Variants in ELMO1 observed in about 807,000 individuals in gnomAD.
ELMO1 encodes the protein engulfment and cell motility 1.
ELMO1 carries 26 observed loss-of-function variants against 98.9 expected under a neutral mutation model. The observed-to-expected ratio is 0.26, with a 90% confidence interval of 0.19 to 0.36. ELMO1 has a LOEUF of 0.36. Ranked by LOEUF, ELMO1 falls within the 10% of genes least tolerant of loss-of-function variation. The pLI, the probability that ELMO1 is intolerant of heterozygous loss-of-function variation, is 1.00. For missense variants in ELMO1, 627 were observed against 935.2 expected (o/e 0.67, Z 4.30); for synonymous variants, 346 against 346.0 (o/e 1.00, Z 0.00).
At chr7:37,194,592 C>T (rs1488102768) in intron 13 of ELMO1, among the ~76,000 whole-genome samples, 3 of 152,250 alleles carry the variant, frequency 2.0e-5, no homozygotes, top group African/African-American at 4.8e-5. Context: ...ATCCAAACAC[C>T]GCAGCACATA....
At chr7:37,435,480 TC>T (rs1241492267) in intron 1 of ELMO1, among the ~76,000 whole-genome samples, 1 of 152,216 alleles carries the variant, frequency 6.6e-6, no homozygotes, top group East Asian at 1.9e-4. Context: ...AGGGTGAAAC[TC>T]AACATTAAAA....
At chr7:37,278,393 C>T (rs1027099377) in intron 4 of ELMO1, among the ~76,000 whole-genome samples, 2 of 152,026 alleles carry the variant, frequency 1.3e-5, no homozygotes, top group Non-Finnish European at 2.9e-5. Flanking sequence ...CCTGTGGTCC[C>T]AGCTACTTGG....
chr7:37,307,003 A>G (rs371565966), intron 4 of ELMO1, among the ~76,000 whole-genome samples: 8 of 152,228 alleles, frequency 5.3e-5, no homozygotes, highest in African/African-American at 1.4e-4. Flanking sequence ...TGGAATTGTT[A>G]TCAACCCAAT....
chr7:37,061,409 G>A (rs1562975091), intron 15 of ELMO1, among the ~76,000 whole-genome samples: 2 of 152,176 alleles, frequency 1.3e-5, no homozygotes, highest in Non-Finnish European at 1.5e-5. Flanking sequence ...AATACAGCAG[G>A]CCTAACGAAT....
chr7:36,979,507 G>A (rs146738976), intron 16 of ELMO1, among the ~76,000 whole-genome samples: 7 of 152,082 alleles, frequency 4.6e-5, no homozygotes, highest in Admixed American at 2.0e-4. Context: ...GATATTTGAC[G>A]CTGGCTCAGG....
intron 16 of ELMO1, among the ~76,000 whole-genome samples, chr7:36,966,840 G>A (rs1210604903): frequency 6.6e-6 from 1 of 152,224 alleles, no homozygotes; most frequent in Non-Finnish European, 1.5e-5. Context: ...TTTAAGAGAT[G>A]CATTAACCAT....
intron 13 of ELMO1, among the ~76,000 whole-genome samples, chr7:37,196,491 G>T (rs538455529): frequency 6.6e-6 from 1 of 152,262 alleles, no homozygotes; most frequent in East Asian, 1.9e-4. Flanking sequence ...GTGGATAGTT[G>T]GTGTGTGGTC....
At chr7:36,861,565 G>T in intron 21 of ELMO1, 94 bp downstream of exon 21, 1 of 1,408,238 alleles carries the variant, frequency 7.1e-7, no homozygotes. Flanking sequence ...CATTTTTTCA[G>T]GCAGGTCTAT....
intron 16 of ELMO1, among the ~76,000 whole-genome samples, chr7:37,008,054 C>T (rs561946624): frequency 1.3e-5 from 2 of 152,332 alleles, no homozygotes; most frequent in East Asian, 3.9e-4. Flanking sequence ...CAAGATAGTG[C>T]TTTTACTCTA....
intron 1 of ELMO1, among the ~76,000 whole-genome samples, chr7:37,373,050 C>G (rs1388969898): frequency 1.3e-5 from 2 of 152,186 alleles, no homozygotes; most frequent in Non-Finnish European, 2.9e-5. Flanking sequence ...AAACATCACA[C>G]AGGCAGGTAA....
chr7:37,365,544 C>T (rs1801870999), intron 1 of ELMO1, among the ~76,000 whole-genome samples: 1 of 151,438 alleles, frequency 6.6e-6, no homozygotes, highest in East Asian at 2.0e-4. Flanking sequence ...AGCTCTCAAA[C>T]ACCAACTACT....
At chr7:36,981,524 C>T (rs970882356) in intron 16 of ELMO1, among the ~76,000 whole-genome samples, 8 of 152,062 alleles carry the variant, frequency 5.3e-5, no homozygotes, top group Non-Finnish European at 1.0e-4. Context: ...CACTCCTTAG[C>T]CTGAATTTAT....
chr7:37,244,443 T>G, intron 6 of ELMO1, 52 bp from the exon 7 acceptor site: 1 of 1,581,892 alleles, frequency 6.3e-7, no homozygotes, highest in East Asian at 2.2e-5. Flanking sequence ...AGCAACAATT[T>G]TTACACAAAG....
At chr7:36,946,595 G>A (rs1419247634) in intron 16 of ELMO1, among the ~76,000 whole-genome samples, 1 of 152,180 alleles carries the variant, frequency 6.6e-6, no homozygotes, top group Admixed American at 6.5e-5. Context: ...TGTTATCTGT[G>A]GTAAGGATGA....
intron 4 of ELMO1, among the ~76,000 whole-genome samples, chr7:37,292,701 T>C (rs1333181639): frequency 2.0e-4 from 10 of 49,510 alleles, no homozygotes; most frequent in South Asian, 9.0e-4. Flanking sequence ...GTGAGGAGCG[T>C]CTCCGCCCGG....
At chr7:37,255,099 C>T (rs961425407) in intron 6 of ELMO1, among the ~76,000 whole-genome samples, 2 of 152,154 alleles carry the variant, frequency 1.3e-5, no homozygotes, top group South Asian at 2.1e-4. Context: ...ATAAGCATTA[C>T]GGACTGAAGT....
intron 13 of ELMO1, among the ~76,000 whole-genome samples, chr7:37,200,746 G>A (rs572159437): frequency 1.3e-5 from 2 of 152,080 alleles, no homozygotes; most frequent in African/African-American, 2.4e-5. Flanking sequence ...CGGGTGGGTC[G>A]CTTGAGCTCA....
intron 13 of ELMO1, among the ~76,000 whole-genome samples, chr7:37,140,826 A>C (rs1327193031): frequency 6.6e-6 from 1 of 152,220 alleles, no homozygotes; most frequent in Non-Finnish European, 1.5e-5. Context: ...TCGAAACCAC[A>C]ATGCAATACC....
intron 2 of ELMO1, among the ~76,000 whole-genome samples, chr7:37,324,206 A>G (rs1799672803): frequency 6.6e-6 from 1 of 152,140 alleles, no homozygotes; most frequent in Non-Finnish European, 1.5e-5. Flanking sequence ...GGACTTTACT[A>G]AGCCCAAATG....
Sources: gnomAD v4.1 joint callset for allele counts (sites outside exome capture counted in the v4.1 genomes callset) on GRCh38, gnomAD v4.1.1 for gene constraint, MANE v1.5 for transcripts, NCBI Gene and HGNC (gene_info 2026-07-23, HGNC 2026-07-21) for gene names.